The following WASHC5 variants were observed in gnomAD, a reference collection of about 807,000 sequenced individuals.
WASHC5 encodes the protein WASH complex subunit 5, also known as WASH complex subunit strumpellin.
WASHC5 carries 101 observed loss-of-function variants against 150.4 expected under a neutral mutation model. That is an observed-to-expected ratio of 0.67 (90% CI 0.57 to 0.79). The LOEUF is 0.79. WASHC5 is among the 30% of genes least tolerant of loss of function. WASHC5 has a pLI of 0.00. For synonymous variants in WASHC5, 467 were observed against 491.2 expected (o/e 0.95, Z 0.65); for missense variants, 1,195 against 1,396.3 (o/e 0.86, Z 2.30).
chr8:125,074,873 T>G, intron 8 of WASHC5, 125 bp downstream of exon 8: 1 of 723,022 alleles, frequency 1.4e-6, no homozygotes, highest in South Asian at 1.5e-5. Context: ...CACCTTTTAT[T>G]AATCATTGCA....
At chr8:125,042,515 G>A (rs978748827) in intron 23 of WASHC5, among the ~76,000 whole-genome samples, 9 of 152,020 alleles carry the variant, frequency 5.9e-5, no homozygotes, top group African/African-American at 1.7e-4. Context: ...TCACTGACTC[G>A]GTCACAGTCA....
At chr8:125,033,171 A>G (rs770147030) in intron 26 of WASHC5, among the ~76,000 whole-genome samples, 1 of 152,174 alleles carries the variant, frequency 6.6e-6, no homozygotes, top group Non-Finnish European at 1.5e-5. Context: ...AAGAAACACA[A>G]TGTTGAAAAA....
chr8:125,079,066 A>C, intron 5 of WASHC5, 136 bp from the exon 6 acceptor site: 1 of 606,238 alleles, frequency 1.6e-6, no homozygotes, highest in Non-Finnish European at 2.9e-6. Flanking sequence ...CTATATCCTC[A>C]ATATATCCTC....
intron 6 of WASHC5, 42 bp downstream of exon 6, chr8:125,078,696 T>C (rs1451491966): frequency 2.1e-6 from 3 of 1,452,512 alleles, no homozygotes; most frequent in Admixed American, 1.7e-5. Flanking sequence ...GAAATCAGTC[T>C]GTTAAACTGT....
intron 18 of WASHC5, 52 bp from the exon 19 acceptor site, chr8:125,049,237 A>G (rs767154204): frequency 1.3e-6 from 2 of 1,572,638 alleles, no homozygotes; most frequent in Non-Finnish European, 1.8e-6. Flanking sequence ...ATTGTCAACT[A>G]TTCGTTCTAA....
At chr8:125,080,901 T>G (rs892627436) in intron 5 of WASHC5, among the ~76,000 whole-genome samples, 1 of 152,218 alleles carries the variant, frequency 6.6e-6, no homozygotes, top group Non-Finnish European at 1.5e-5. Context: ...TGACAACTTT[T>G]CAAAGTCATC....
chr8:125,056,724 C>G lies in WASHC5; in HGVS notation c.1969G>C (p.Asp657His). 1 of 1,614,084 alleles carries G rather than the reference C, an allele frequency of 6.2e-7. No homozygotes were observed. The highest frequency in any genetic ancestry group is 8.5e-7 in the Non-Finnish European group (1 of 1,180,016). The change falls in exon 16 of 29, where the codon GAC (aspartate) becomes CAC (histidine). Residue 657 changes from aspartate to histidine, a missense_variant. By Grantham distance (81) the Asp-to-His change is moderately conservative. This residue lies in a region of WASHC5 where 997 missense variants were observed against 1,168.1 expected (regional missense o/e 0.85). Transcript: ENST00000318410. ...HDIIEVPTRL[D>H]KDKLRDYAQL... is the part of the protein sequence containing the mutation. ...GCATAGTCCCTCAGCTTGTCTTTGT[C>G]CAGGCGGGTAGGCACTTCAATAATG... is the stretch of plus-strand genomic sequence containing the variant.
At chr8:125,046,887 T>C (rs1816083272) in intron 20 of WASHC5, among the ~76,000 whole-genome samples, 3 of 152,106 alleles carry the variant, frequency 2.0e-5, no homozygotes, top group Admixed American at 2.0e-4. Context: ...TATGAGAATC[T>C]AGTACTTTGG....
At chr8:125,068,929 T>C (rs77025739) in intron 9 of WASHC5, among the ~76,000 whole-genome samples, 4,004 of 152,366 alleles carry the variant, frequency 0.026, 184 homozygotes, top group African/African-American at 0.092. Flanking sequence ...TATTGATATT[T>C]GCTTAGATTG....
rs6651232 is a variant in WASHC5 at position 125,073,040 on chromosome 8, A to C, written c.1150+113T>G. The C allele has an allele frequency of 0.053, 60,276 of 1,134,836 alleles. 4,792 individuals carry two copies. Among genetic ancestry groups the C allele is most frequent in the African/African-American group, 0.31 (20,231 of 65,100 alleles). 70.3% of individuals were successfully genotyped at this position (1,134,836 alleles called of 1,614,324 possible). A position where few individuals can be genotyped will look rare whatever the true frequency, so the allele number is the denominator to read the frequency against. ...ATGACTAACTTTAAAAAGCAACTTG[A>C]TTCTCATCCAAGGCCTCTCTCCCTG... On this transcript the variant is annotated intron_variant, in intron 9 of 28. Coordinates refer to ENST00000318410, the MANE Select transcript of WASHC5 (RefSeq NM_014846.4).
intron 11 of WASHC5, among the ~76,000 whole-genome samples, chr8:125,061,664 G>A (rs1369716688): frequency 6.6e-6 from 1 of 152,206 alleles, no homozygotes; most frequent in Non-Finnish European, 1.5e-5. Context: ...CAATATGACA[G>A]AAGTGTAAGG....
At chr8:125,046,116 A>C (rs1162002487) in intron 20 of WASHC5, among the ~76,000 whole-genome samples, 2 of 152,234 alleles carry the variant, frequency 1.3e-5, no homozygotes, top group African/African-American at 4.8e-5. Flanking sequence ...AAGAAGATTT[A>C]ACTCACACAA....
Position 125,083,952 on chromosome 8 carries a change from T to C in WASHC5, c.-54A>G, listed in dbSNP as rs780847367. 1.2e-5 allele frequency: 18 copies of C among 1,523,736 alleles called. No individual in the cohort carries two copies. Among genetic ancestry groups the C allele is most frequent in the Non-Finnish European group, 1.6e-5 (18 of 1,105,602 alleles). 94.4% of individuals were successfully genotyped at this position (1,523,736 alleles called of 1,614,324 possible). A position where few individuals can be genotyped will look rare whatever the true frequency, so the allele number is the denominator to read the frequency against. On this transcript the variant is annotated 5_prime_UTR_variant, in exon 2 of 29. It removes the in-frame stop codon of an upstream open reading frame in the 5' UTR. Transcript: ENST00000318410. ...GGACACTGGGGATGATTAACTGGCC[T>C]CAGAGCTGGTGTCTGTATATTATTA...
Position 125,073,214 on chromosome 8 carries a change from C to T in WASHC5, c.1089G>A (p.Leu363=), listed in dbSNP as rs367668224. The T allele has an allele frequency of 1.1e-5, 17 of 1,614,006 alleles. No individual in the cohort carries two copies. Among genetic ancestry groups the T allele is most frequent in the Admixed American group, 1.7e-5 (1 of 59,994 alleles). ...EMVLDNIPKL[L]NCLRDCNVAI... ...CAACATTGCAGTCTCTCAGGCAGTT[C>T]AGAAGCTTTGGGATATTGTCCAGAA... is the stretch of plus-strand genomic sequence containing the variant. The change falls in exon 9 of 29, where the codon CTG becomes CTA. Residue 363 remains leucine, a synonymous_variant. Transcript: ENST00000318410.
At chr8:125,038,666 G>A (rs1406334102) in intron 25 of WASHC5, among the ~76,000 whole-genome samples, 164 bp downstream of exon 25, 5 of 152,144 alleles carry the variant, frequency 3.3e-5, no homozygotes, top group African/African-American at 9.7e-5. Flanking sequence ...TGAGCCAGGC[G>A]GGGAAAGTGT....
intron 17 of WASHC5, among the ~76,000 whole-genome samples, chr8:125,054,040 G>A (rs140994756): frequency 1.4e-3 from 213 of 152,214 alleles, no homozygotes; most frequent in Non-Finnish European, 2.5e-3. Context: ...AATACACCAC[G>A]GTGCATTCGT....
intron 2 of WASHC5, 47 bp downstream of exon 2, chr8:125,083,666 G>T: frequency 6.9e-7 from 1 of 1,456,690 alleles, no homozygotes; most frequent in Non-Finnish European, 9.5e-7. Context: ...GAGAAAACAC[G>T]CTTTTGTAGA....
At chr8:125,035,033 A>T (rs1476176509) in intron 26 of WASHC5, among the ~76,000 whole-genome samples, 1 of 151,270 alleles carries the variant, frequency 6.6e-6, no homozygotes, top group Non-Finnish European at 1.5e-5. Flanking sequence ...TTATTGGCAT[A>T]AGAAAAGACA....
intron 17 of WASHC5, among the ~76,000 whole-genome samples, chr8:125,053,636 A>T (rs762992599): frequency 6.6e-6 from 1 of 152,126 alleles, no homozygotes; most frequent in Non-Finnish European, 1.5e-5. Context: ...TTCCTTTAGC[A>T]TACTTCCAGA....
Sources: allele counts gnomAD v4.1 joint callset (sites outside exome capture counted in the v4.1 genomes callset), GRCh38; gene constraint gnomAD v4.1.1; regional missense constraint gnomAD v4.1.1; transcripts MANE v1.5; gene names NCBI Gene and HGNC (gene_info 2026-07-23, HGNC 2026-07-21).